KIR2DL3: variants seen among roughly 807,000 people sequenced by gnomAD.
KIR2DL3 encodes the protein killer cell immunoglobulin-like receptor 2DL3.
In KIR2DL3, 39 loss-of-function variants were observed where a neutral mutation model predicts 33.8. The observed-to-expected ratio is 1.15, with a 90% CI of 0.89 to 1.51. KIR2DL3 has a LOEUF of 1.51. Among genes scored for constraint, KIR2DL3 ranks in the 40% most tolerant of loss-of-function variants. The pLI, the probability that KIR2DL3 is intolerant of heterozygous loss-of-function variation, is 0.00. For missense variants in KIR2DL3, 462 were observed against 426.2 expected (o/e 1.08, Z -0.74); for synonymous variants, 174 against 160.2 (o/e 1.09, Z -0.65).
intron 2 of KIR2DL3, among the ~76,000 whole-genome samples, chr19:54,740,484 G>C (rs1175961305): frequency 6.6e-6 from 1 of 151,664 alleles, no homozygotes; most frequent in East Asian, 1.9e-4. Context: ...ACAGATGTCG[G>C]GGTTCACACA....
chr19:54,748,224 C>A (rs2072866909), intron 5 of KIR2DL3, among the ~76,000 whole-genome samples: 2 of 151,914 alleles, frequency 1.3e-5, no homozygotes, highest in South Asian at 2.1e-4. Flanking sequence ...ACACCTCTTT[C>A]TCTGAATGCT....
At position 54,752,956 on chromosome 19, in the gene KIR2DL3, A is replaced by G; in HGVS notation, c.*437A>G. On this transcript the variant is annotated 3_prime_UTR_variant, in exon 8 of 8. Transcript: ENST00000342376. The stretch of plus-strand genomic sequence containing the variant: ...CTCATGCTGTTCCACCTCCCCTCAG[A>G]CTAGCTTTCAGCCTTCTGTCAGCAG... The G allele has an allele frequency of 4.3e-6, 1 of 233,994 alleles. No individual in the cohort carries two copies. Among genetic ancestry groups the G allele is most frequent in the Non-Finnish European group, 8.3e-6 (1 of 120,700 alleles). The allele number at this position is 233,994 out of a possible 1,614,324, so 14.5% of individuals were successfully genotyped here.
intron 3 of KIR2DL3, among the ~76,000 whole-genome samples, chr19:54,743,295 A>T (rs556566762): frequency 1.3e-5 from 2 of 152,200 alleles, no homozygotes; most frequent in Admixed American, 6.5e-5. Context: ...ATAGAGAGGC[A>T]GACAGAAATC....
intron 2 of KIR2DL3, among the ~76,000 whole-genome samples, chr19:54,740,948 G>A (rs1380862275): frequency 6.6e-6 from 1 of 151,506 alleles, no homozygotes; most frequent in South Asian, 2.1e-4. Context: ...ATCCATGAAT[G>A]CAGGTGGCCT....
chr19:54,740,960 T>C (rs1381850654), intron 2 of KIR2DL3, among the ~76,000 whole-genome samples: 2 of 151,442 alleles, frequency 1.3e-5, no homozygotes, highest in African/African-American at 4.9e-5. Context: ...AGGTGGCCTA[T>C]AGAGGCTGGA....
intron 3 of KIR2DL3, among the ~76,000 whole-genome samples, chr19:54,743,413 T>A (rs62122550): frequency 6.6e-6 from 1 of 152,106 alleles, no homozygotes; most frequent in African/African-American, 2.4e-5. Flanking sequence ...GGTAGAGAAT[T>A]TGTAGATAGG....
At chr19:54,739,818 A>G (rs1362758866) in intron 2 of KIR2DL3, among the ~76,000 whole-genome samples, 1 of 152,158 alleles carries the variant, frequency 6.6e-6, no homozygotes, top group Non-Finnish European at 1.5e-5. Flanking sequence ...GGTGTTACTC[A>G]CACACTTCAG....
At chr19:54,741,669 C>A (rs1432876852) in intron 2 of KIR2DL3, among the ~76,000 whole-genome samples, 2 of 151,776 alleles carry the variant, frequency 1.3e-5, no homozygotes, top group Non-Finnish European at 2.9e-5. Context: ...TGCAGCCTAT[C>A]CTGGTTCCTC....
chr19:54,751,746 C>T lies in KIR2DL3; in HGVS notation c.813C>T (p.Asn271=), dbSNP rs759464676. 3 of 1,456,334 alleles carry T rather than the reference C, an allele frequency of 2.1e-6. No individual in the cohort carries two copies. Among genetic ancestry groups the T allele is most frequent in the Middle Eastern group, 3.9e-4 (2 of 5,100 alleles). 90.2% of individuals were successfully genotyped at this position (1,456,334 alleles called of 1,614,324 possible). The part of the protein sequence containing the change: ...LFFLLHRWCC[N]KKNAVVMDQE... ...TTCTCCTTCATCGCTGGTGCTGCAA[C>T]AAAAAAAGTAAGTCTCACGAAGCAG... The change falls in exon 6 of 8, where the codon AAC becomes AAT. Residue 271 remains asparagine, a synonymous_variant. Coordinates refer to ENST00000342376, the MANE Select transcript of KIR2DL3 (RefSeq NM_015868.3).
chr19:54,748,236 C>G (rs1307314707), intron 5 of KIR2DL3, among the ~76,000 whole-genome samples: 133 of 151,932 alleles, frequency 8.8e-4, no homozygotes, highest in East Asian at 3.9e-3. Context: ...CTGAATGCTG[C>G]TCTCCCTTCT....
chr19:54,746,023 G>C (rs1444997202), intron 4 of KIR2DL3, among the ~76,000 whole-genome samples: 2 of 129,460 alleles, frequency 1.5e-5, no homozygotes, highest in East Asian at 4.0e-4. Flanking sequence ...ATGTGGGTCA[G>C]ACTGGTCTCA....
In KIR2DL3 at chr19:54,742,213, G is replaced by A. The variant is rs756063668; in HGVS notation, c.304G>A (p.Gly102Ser). 24 of 1,614,028 alleles carry A rather than the reference G, an allele frequency of 1.5e-5. No homozygotes were observed. Among genetic ancestry groups the A allele is most frequent in the African/African-American group, 2.7e-5 (2 of 74,890 alleles). Residue 102 changes from glycine (G) to serine (S), a missense_variant, in exon 3 of 8, where the codon GGT becomes AGT. Gly to Ser is a moderately conservative substitution (Grantham distance 56). Transcript: ENST00000342376. Reference protein sequence around the residue: ...QDLAGTYRCYGSVTHSPYQLS... With the variant: ...QDLAGTYRCYSSVTHSPYQLS... ...CCTTGCAGGGACCTACAGATGCTAC[G>A]GTTCTGTTACTCACTCCCCCTATCA...
chr19:54,744,955 T>TATATATATATC (rs1491544172), intron 4 of KIR2DL3, among the ~76,000 whole-genome samples: 1 of 18,680 alleles, frequency 5.4e-5, no homozygotes, highest in Non-Finnish European at 9.7e-5. Context: ...TATATATATA[T>TATATATATATC]TTTTTTTTTT....
intron 1 of KIR2DL3, 98 bp downstream of exon 1, chr19:54,738,677 G>A: frequency 6.3e-7 from 1 of 1,584,768 alleles, no homozygotes; most frequent in Non-Finnish European, 8.7e-7. Context: ...TGGGCCTAGA[G>A]ATGGAGTGAT....
Position 54,746,854 on chromosome 19 carries a change from G to A in KIR2DL3, c.665-481G>A, listed in dbSNP as rs1297213351. On this transcript the variant is annotated intron_variant, in intron 4 of 7. Coordinates refer to ENST00000342376, the MANE Select transcript of KIR2DL3 (RefSeq NM_015868.3). Reference sequence around the variant, plus strand: ...AAAAATTAGCTGAGCATGGTGGTCAGCACCTGTAATACCACTACTCAGGAG... The same window carrying A: ...AAAAATTAGCTGAGCATGGTGGTCAACACCTGTAATACCACTACTCAGGAG... Among the ~76,000 whole-genome samples, 639 of 146,754 alleles carry A rather than the reference G, an allele frequency of 4.4e-3. 7 individuals are homozygous for A. Among genetic ancestry groups the A allele is most frequent in the African/African-American group, 0.015 (607 of 40,066 alleles).
At position 54,752,830 on chromosome 19, in the gene KIR2DL3, A is replaced by C. The variant is rs2073692193; in HGVS notation, c.*311A>C. ...CTCCAACCTAACTGGCTTACTTCCT[A>C]GTCTACTTGAGGCTGCAATCACACT... On this transcript the variant is annotated 3_prime_UTR_variant, in exon 8 of 8. Transcript: ENST00000342376. 1 of 487,098 alleles carries C rather than the reference A, an allele frequency of 2.1e-6. No individual in the cohort carries two copies. The highest frequency in any genetic ancestry group is 2.0e-5 in the African/African-American group (1 of 49,396). The allele number at this position is 487,098 out of a possible 1,614,324, so 30.2% of individuals were successfully genotyped here. A position where few individuals can be genotyped will look rare whatever the true frequency, so the allele number is the denominator to read the frequency against.
chr19:54,744,934 ATATATATATATATATATATATTTTTT>A (rs1200290325), intron 4 of KIR2DL3, among the ~76,000 whole-genome samples: 19 of 24,636 alleles, frequency 7.7e-4, no homozygotes, highest in Admixed American at 1.2e-3. Context: ...ATATATATAT[ATATATATATATATATATATATTTTTT>A]TTTTTTTTTT....
At chr19:54,748,614 ATTT>A (rs907543501) in intron 5 of KIR2DL3, among the ~76,000 whole-genome samples, 1 of 147,904 alleles carries the variant, frequency 6.8e-6, no homozygotes, top group Non-Finnish European at 1.5e-5. Flanking sequence ...CATGAAATCT[ATTT>A]TTTGTTTGTT....
Position 54,740,818 on chromosome 19 carries a change from T to G in KIR2DL3, c.71-1162T>G, listed in dbSNP as rs1158668252. Among the ~76,000 whole-genome samples, 3 of 151,078 alleles carry G rather than the reference T, an allele frequency of 2.0e-5. No individual in the cohort carries two copies. The East Asian group carries it at 5.8e-4, about 29-fold the overall frequency. ...GAGCTCATGGGGAGACAGCCTGGACTGTCCCACTGGGCTCAGTGTAATCAC... is the reference window on the plus strand; with the variant it reads ...GAGCTCATGGGGAGACAGCCTGGACGGTCCCACTGGGCTCAGTGTAATCAC... On this transcript the variant is annotated intron_variant, in intron 2 of 7. Transcript: ENST00000342376.
Sources: gnomAD v4.1 joint callset for allele counts (sites outside exome capture counted in the v4.1 genomes callset) on GRCh38, gnomAD v4.1.1 for gene constraint, MANE v1.5 for transcripts, NCBI Gene and HGNC (gene_info 2026-07-23, HGNC 2026-07-21) for gene names.